Variants in KLF8 observed in about 807,000 individuals in gnomAD.
KLF8 encodes Krueppel-like factor 8.
KLF8 carries 10 observed loss-of-function variants against 18.2 expected under a neutral mutation model. The ratio of observed to expected loss-of-function variants is 0.55; its 90% CI spans 0.34 to 0.93. The LOEUF (loss-of-function observed/expected upper bound fraction) is 0.93. KLF8 is among the 40% of genes least tolerant of loss of function. KLF8 has a pLI of 0.02. For missense variants in KLF8, 264 were observed against 277.9 expected (o/e 0.95, Z 0.36); for synonymous variants, 109 against 97.3 (o/e 1.12, Z -0.71).
chrX:56,024,211 CT>C, the KLF8 span, among the ~76,000 whole-genome samples: 17,664 of 94,051 alleles, frequency 0.19, 3,942 homozygotes, highest in African/African-American at 0.61. Flanking sequence ...TTTTTAATTT[CT>C]TTTTTTTTTT....
At chrX:56,277,364 G>GT (rs2147685176) in intron 5 of KLF8, among the ~76,000 whole-genome samples, 1 of 111,960 alleles carries the variant, frequency 8.9e-6, no homozygotes, top group South Asian at 3.8e-4. Flanking sequence ...CTGCATTAGG[G>GT]GACACCCCAA....
chrX:56,138,952 T>A, the KLF8 span, among the ~76,000 whole-genome samples: 1 of 111,258 alleles, frequency 9.0e-6, no homozygotes, highest in African/African-American at 3.3e-5. Flanking sequence ...CTACGTCTTA[T>A]AAACAACTTC....
chrX:55,912,874 AT>A, the KLF8 span, among the ~76,000 whole-genome samples: 1 of 111,542 alleles, frequency 9.0e-6, no homozygotes, highest in Non-Finnish European at 1.9e-5. Flanking sequence ...AGATACTATT[AT>A]TTTCCTCATT....
At chrX:56,157,363 A>G in the KLF8 span, among the ~76,000 whole-genome samples, 329 of 110,230 alleles carry the variant, frequency 3.0e-3, no homozygotes, top group African/African-American at 0.01. Flanking sequence ...GTGTACATGT[A>G]CCCTAGAACT....
chrX:56,176,611 G>T, the KLF8 span, among the ~76,000 whole-genome samples: 1 of 110,666 alleles, frequency 9.0e-6, no homozygotes, highest in Non-Finnish European at 1.9e-5. Context: ...GAATATCTTT[G>T]TGGTGTTCTC....
chrX:56,159,834 A>G, the KLF8 span, among the ~76,000 whole-genome samples: 1 of 111,441 alleles, frequency 9.0e-6, no homozygotes, highest in Non-Finnish European at 1.9e-5. Context: ...TTTTCAAAAA[A>G]CAATCTCCTG....
chrX:56,129,441 A>G, the KLF8 span, among the ~76,000 whole-genome samples: 1 of 111,772 alleles, frequency 8.9e-6, no homozygotes, highest in Non-Finnish European at 1.9e-5. Context: ...GGAGAAGGAT[A>G]TGACCTTAAC....
chrX:56,220,196 T>G, the KLF8 span, among the ~76,000 whole-genome samples: 2 of 112,249 alleles, frequency 1.8e-5, no homozygotes, highest in African/African-American at 6.5e-5. Flanking sequence ...AGAATATATA[T>G]TCCTATTCCC....
At chrX:56,146,844 G>T in the KLF8 span, among the ~76,000 whole-genome samples, 1 of 111,835 alleles carries the variant, frequency 8.9e-6, no homozygotes, top group Non-Finnish European at 1.9e-5. Flanking sequence ...CTGTGAAAAA[G>T]GTTTAAAACA....
the KLF8 span, among the ~76,000 whole-genome samples, chrX:56,227,274 G>T: frequency 9.0e-6 from 1 of 111,509 alleles, no homozygotes; most frequent in Non-Finnish European, 1.9e-5. Context: ...TGATAAAAAA[G>T]TTCCTGTTCT....
At chrX:56,069,400 G>C in the KLF8 span, among the ~76,000 whole-genome samples, 2 of 111,546 alleles carry the variant, frequency 1.8e-5, no homozygotes, top group Admixed American at 1.9e-4. Flanking sequence ...CCACCCTGCT[G>C]TCCCCCACTA....
At chrX:56,127,333 C>T in the KLF8 span, among the ~76,000 whole-genome samples, 1 of 110,938 alleles carries the variant, frequency 9.0e-6, no homozygotes, top group Non-Finnish European at 1.9e-5. Context: ...ACAGATAAAA[C>T]ATGAACTCCA....
the KLF8 span, among the ~76,000 whole-genome samples, chrX:55,922,637 A>T: frequency 3.5e-5 from 4 of 112,774 alleles, no homozygotes; most frequent in African/African-American, 1.3e-4. Flanking sequence ...GAAAGAAAGA[A>T]AAAATCCCAT....
At chrX:56,013,078 C>T in the KLF8 span, among the ~76,000 whole-genome samples, 1 of 112,384 alleles carries the variant, frequency 8.9e-6, no homozygotes, top group Admixed American at 9.4e-5. Flanking sequence ...TGATCTGCAA[C>T]AAACCTAACA....
chrX:56,055,150 T>TA, the KLF8 span, among the ~76,000 whole-genome samples: 2 of 111,989 alleles, frequency 1.8e-5, no homozygotes, highest in Non-Finnish European at 3.8e-5. Flanking sequence ...CAGACTTGTT[T>TA]ATGTAGTTGC....
At chrX:55,908,990 A>G in the KLF8 span, among the ~76,000 whole-genome samples, 1 of 110,911 alleles carries the variant, frequency 9.0e-6, no homozygotes, top group Non-Finnish European at 1.9e-5. Context: ...CGGGCGGGAC[A>G]GGCGCGCTCA....
the KLF8 span, among the ~76,000 whole-genome samples, chrX:56,137,177 C>T: frequency 9.1e-6 from 1 of 109,654 alleles, no homozygotes; most frequent in South Asian, 4.0e-4. Flanking sequence ...CTAGTTCAAC[C>T]ATTGTGGAAG....
At chrX:56,152,458 GA>G in the KLF8 span, among the ~76,000 whole-genome samples, 1,764 of 111,570 alleles carry the variant, frequency 0.016, 31 homozygotes, top group African/African-American at 0.055. Context: ...ACTTTCAGAA[GA>G]AGGGTTACCT....
the KLF8 span, among the ~76,000 whole-genome samples, chrX:56,185,537 C>A: frequency 9.0e-6 from 1 of 111,270 alleles, no homozygotes; most frequent in Non-Finnish European, 1.9e-5. Context: ...CACAAAGATA[C>A]TCCTCGAGAA....
Sources: allele counts gnomAD v4.1 joint callset (sites outside exome capture counted in the v4.1 genomes callset), GRCh38; gene constraint gnomAD v4.1.1; transcripts MANE v1.5; gene names NCBI Gene and HGNC (gene_info 2026-07-23, HGNC 2026-07-21).